Variants in LRP5 observed in about 807,000 individuals in gnomAD.
LRP5 encodes the protein low-density lipoprotein receptor-related protein 5.
A neutral mutation model predicts 154.1 loss-of-function variants in LRP5; 62 were observed. The observed-to-expected ratio is 0.40, with a 90% CI of 0.33 to 0.50. The LOEUF is 0.50. Among genes scored for constraint, LRP5 ranks in the 20% least tolerant of loss-of-function variants. LRP5 has a pLI of 0.55. For synonymous variants in LRP5, 966 were observed against 1,011.5 expected, an observed-to-expected ratio of 0.96 and a Z score of 0.85; for missense variants, 1,915 against 2,336.7, an observed-to-expected ratio of 0.82 and a Z score of 3.72.
At chr11:68,319,313 C>T (rs2098595383) in intron 1 of LRP5, among the ~76,000 whole-genome samples, 1 of 152,074 alleles carries the variant, frequency 6.6e-6, no homozygotes, top group South Asian at 2.1e-4. Context: ...AGTGATCTGC[C>T]TGCCTCGGCC....
chr11:68,433,562 G>A (rs1243595736), intron 17 of LRP5, 40 bp from the exon 18 acceptor site: 1 of 1,556,864 alleles, frequency 6.4e-7, no homozygotes, highest in Non-Finnish European at 8.9e-7. Context: ...GTTTTGCTGG[G>A]CGGGGCTGCG....
chr11:68,445,945 G>A (rs190378843), intron 21 of LRP5, among the ~76,000 whole-genome samples: 5 of 152,342 alleles, frequency 3.3e-5, no homozygotes, highest in East Asian at 3.9e-4. Flanking sequence ...CTGAGTGTTC[G>A]GAACAAGGGC....
intron 5 of LRP5, among the ~76,000 whole-genome samples, chr11:68,384,909 G>A (rs570202687): frequency 9.9e-4 from 151 of 152,308 alleles, no homozygotes; most frequent in Admixed American, 2.3e-3. Context: ...GCGGGACCCC[G>A]TCCACAGCGG....
chr11:68,411,393 G>A, intron 10 of LRP5, 43 bp from the exon 11 acceptor site: 1 of 1,600,396 alleles, frequency 6.2e-7, no homozygotes, highest in East Asian at 2.2e-5. Flanking sequence ...CCTGCGGTGA[G>A]AGCAGACTCA....
At chr11:68,321,440 A>G (rs2098596730) in intron 1 of LRP5, among the ~76,000 whole-genome samples, 1 of 151,972 alleles carries the variant, frequency 6.6e-6, no homozygotes, top group Admixed American at 6.6e-5. Flanking sequence ...TGATCTGGGG[A>G]CGGTAAATGG....
chr11:68,387,494 C>CA (rs2098643691), intron 6 of LRP5, among the ~76,000 whole-genome samples: 1 of 152,208 alleles, frequency 6.6e-6, no homozygotes, highest in Non-Finnish European at 1.5e-5. Context: ...CAGTTGAGGA[C>CA]ACTGAAGCCC....
chr11:68,350,182 G>A (rs577616944), intron 2 of LRP5, among the ~76,000 whole-genome samples: 21 of 152,300 alleles, frequency 1.4e-4, no homozygotes, highest in South Asian at 2.1e-4. Context: ...GATTACAGGC[G>A]TGCACTACCA....
Position 68,322,757 on chromosome 11 carries a change from G to C in LRP5, c.91+9952G>C, listed in dbSNP as rs570028868. ...ACCTCCTCTGGCTCGAATTCTGCTG[G>C]AGCATGAGCTCCCTCTAGCCTAGGT... On this transcript the variant is annotated intron_variant, in intron 1 of 22. Coordinates refer to ENST00000294304, the MANE Select transcript of LRP5 (RefSeq NM_002335.4). Among the ~76,000 whole-genome samples the C allele has an allele frequency of 1.9e-3, 291 of 152,364 alleles. 1 individual carries two copies. The highest frequency in any genetic ancestry group is 6.3e-3 in the African/African-American group (264 of 41,588).
chr11:68,327,839 C>A (rs542778796), intron 1 of LRP5, among the ~76,000 whole-genome samples: 1 of 152,200 alleles, frequency 6.6e-6, no homozygotes, highest in Admixed American at 6.5e-5. Context: ...GCCCCTCGCA[C>A]GCTGTCAGTC....
At position 68,448,860 on chromosome 11, in the gene LRP5, C is replaced by T. The variant is rs777923928; in HGVS notation, c.4638C>T (p.Asp1546=). 1.6e-5 allele frequency: 26 copies of T among 1,612,118 alleles called. No individual in the cohort carries two copies. Among genetic ancestry groups the T allele is most frequent in the Middle Eastern group, 1.6e-4 (1 of 6,084 alleles). ...CCCCGACGACGCCCTGCAGCACCGA[C>T]GTGTGTGACAGCGACTACAGCGCCA... ...MAPPTTPCST[D]VCDSDYSASR... The change falls in exon 23 of 23, where the codon GAC becomes GAT. Residue 1546 remains aspartate (D), a synonymous_variant. Transcript: ENST00000294304.
chr11:68,414,102 GT>G, intron 12 of LRP5, 90 bp downstream of exon 12: 1 of 1,235,416 alleles, frequency 8.1e-7, no homozygotes, highest in Non-Finnish European at 1.1e-6. Context: ...CTCATCTGGG[GT>G]TCCTGGGTGT....
rs752368811 is a variant in LRP5 at position 68,438,666 on chromosome 11, G to A, written c.4332G>A (p.Gln1444=). The change falls in exon 20 of 23, where the codon CAG becomes CAA. Residue 1444 remains glutamine, a synonymous_variant. Coordinates refer to ENST00000294304, the MANE Select transcript of LRP5 (RefSeq NM_002335.4). ...PLNFIAPGGS[Q]HGPFTGIACG... is the part of the protein sequence containing the mutation. ...ATTTCATAGCCCCGGGCGGTTCCCA[G>A]CATGGCCCCTTCACAGGTAAGGAGC... The A allele has an allele frequency of 5.6e-6, 9 of 1,612,620 alleles. No homozygotes were observed. The African/African-American group carries it at 6.7e-5, about 12-fold the overall frequency.
At chr11:68,363,669 AG>A in intron 3 of LRP5, 77 bp from the exon 4 acceptor site, 2 of 1,202,396 alleles carry the variant, frequency 1.7e-6, no homozygotes, top group Non-Finnish European at 1.2e-6. Context: ...AAAAAAAAAA[AG>A]AAATTAATTG....
rs2153133707 is a variant in LRP5 at position 68,353,995 on chromosome 11, A to T, written c.489-3655A>T. 6.6e-6 allele frequency among the ~76,000 whole-genome samples: 1 copy of T among 152,232 alleles called. No homozygotes were observed. The highest frequency in any genetic ancestry group is 2.4e-5 in the African/African-American group (1 of 41,528). On this transcript the variant is annotated intron_variant, in intron 2 of 22. Coordinates refer to ENST00000294304, the MANE Select transcript of LRP5 (RefSeq NM_002335.4). This position sits in a 1 kb window ranked among gnomAD's most constrained non-coding sequence, Gnocchi z 4.5. ...GGGGATGACCCTCTGGCCCCTGAGG[A>T]TCTGGGGCCAGAAAGACACTGGCTT...
At chr11:68,332,514 C>G (rs184294399) in intron 1 of LRP5, among the ~76,000 whole-genome samples, 25 of 152,322 alleles carry the variant, frequency 1.6e-4, no homozygotes, top group Admixed American at 5.2e-4. Flanking sequence ...GGTGCAGAGG[C>G]AGGGTGAGCT....
chr11:68,302,479 C>CAGAGTGACCAATT, the LRP5 span, among the ~76,000 whole-genome samples: 1 of 152,318 alleles, frequency 6.6e-6, no homozygotes, highest in Non-Finnish European at 1.5e-5. Flanking sequence ...CCACCAGCCC[C>CAGAGTGACCAATT]AGAGTGACCA....
At chr11:68,343,076 G>C (rs1414248225) in intron 1 of LRP5, among the ~76,000 whole-genome samples, 1 of 152,216 alleles carries the variant, frequency 6.6e-6, no homozygotes, top group Non-Finnish European at 1.5e-5. Flanking sequence ...CCCATGGGAG[G>C]CCTGTTGTCT....
chr11:68,345,793 A>G (rs1212104028), intron 1 of LRP5, among the ~76,000 whole-genome samples: 1 of 152,210 alleles, frequency 6.6e-6, no homozygotes. Context: ...CCAGTGGTGC[A>G]CAAGGGTTCC....
At chr11:68,372,309 G>A (rs2098634492) in intron 5 of LRP5, among the ~76,000 whole-genome samples, 2 of 148,700 alleles carry the variant, frequency 1.3e-5, no homozygotes, top group South Asian at 4.4e-4. Flanking sequence ...TGGTGATGAG[G>A]AAATGCAGTG....
Sources: allele counts gnomAD v4.1 joint callset (sites outside exome capture counted in the v4.1 genomes callset), GRCh38; gene constraint gnomAD v4.1.1; non-coding constraint Gnocchi (gnomAD v3.1); transcripts MANE v1.5; gene names NCBI Gene and HGNC (gene_info 2026-07-23, HGNC 2026-07-21).